Variants in PAK4 observed in about 807,000 individuals in gnomAD.
PAK4 encodes p21 (RAC1) activated kinase 4.
Under a neutral mutation model 53.5 loss-of-function variants are expected in PAK4, and 49 were observed. The ratio of observed to expected loss-of-function variants is 0.92; its 90% CI spans 0.73 to 1.16. The LOEUF (loss-of-function observed/expected upper bound fraction) is 1.16, where lower values mean the gene tolerates loss of function less well. Among genes scored for constraint, PAK4 ranks in the 50% most tolerant of loss-of-function variants. The probability of loss-of-function intolerance (pLI) is 0.00; values close to 1 mark genes in which losing one functional copy is unlikely to be tolerated. For synonymous variants in PAK4, 376 were observed against 375.6 expected (o/e 1.00, Z -0.01); for missense variants, 824 against 850.7 (o/e 0.97, Z 0.39).
In PAK4 at chr19:39,175,452, C is replaced by T. The variant is rs756166632; in HGVS notation, c.1359+14C>T. 1.3e-5 allele frequency: 20 copies of T among 1,591,538 alleles called. No individual in the cohort carries two copies. The highest frequency in any genetic ancestry group is 2.8e-5 in the African/African-American group (2 of 71,844). Reference sequence around the variant, plus strand: ...CATGATGGCAGGGTGAGGGGACGGGCGGCGGGGTACGGGGGCGGCAGGTTT... The same window carrying T: ...CATGATGGCAGGGTGAGGGGACGGGTGGCGGGGTACGGGGGCGGCAGGTTT... On this transcript the variant is annotated intron_variant, in intron 6 of 8. Coordinates refer to ENST00000358301, the Ensembl canonical transcript of PAK4. The surrounding 1 kb of genome is among the most constrained non-coding windows in gnomAD (Gnocchi z 4.7).
intron 1 of PAK4, among the ~76,000 whole-genome samples, chr19:39,144,467 G>C (rs1241583383): frequency 6.6e-6 from 1 of 152,256 alleles, no homozygotes; most frequent in Admixed American, 6.5e-5. Context: ...GGGGATGCTT[G>C]ACCCAAATCT....
intron 1 of PAK4, among the ~76,000 whole-genome samples, chr19:39,155,481 C>G (rs1178578951): frequency 6.6e-6 from 1 of 151,952 alleles, no homozygotes; most frequent in African/African-American, 2.4e-5. Context: ...GCAGGTGCCT[C>G]AAGTGGGGCC....
In PAK4 at chr19:39,169,517, G is replaced by A; in HGVS notation, c.-22-15G>A. 1 of 1,583,398 alleles carries A rather than the reference G, an allele frequency of 6.3e-7. No individual in the cohort carries two copies. The highest frequency in any genetic ancestry group is 8.7e-7 in the Non-Finnish European group (1 of 1,153,460). On this transcript the variant is annotated splice_polypyrimidine_tract_variant and intron_variant, in intron 1 of 8. Transcript: ENST00000358301. ...GGGCAGGCTCTCACTCACCCACCGTGATTCCCTCCCGCAGGCCGCACCGAG... is the reference window on the plus strand; with the variant it reads ...GGGCAGGCTCTCACTCACCCACCGTAATTCCCTCCCGCAGGCCGCACCGAG...
Position 39,178,382 on chromosome 19 carries a change from G to C in PAK4, c.1621-42G>C. ...ACTGCAGCCCTACAGCAAATGAACA[G>C]TGGGGAGCCTCGCCCCCTGACCCTC... On this transcript the variant is annotated intron_variant, in intron 8 of 8. Coordinates refer to ENST00000358301, the Ensembl canonical transcript of PAK4. The surrounding 1 kb of genome is among the most constrained non-coding windows in gnomAD (Gnocchi z 4.4). The C allele has an allele frequency of 6.4e-7, 1 of 1,551,950 alleles. No individual in the cohort carries two copies. The highest frequency in any genetic ancestry group is 8.7e-7 in the Non-Finnish European group (1 of 1,148,834).
At chr19:39,149,781 G>A (rs369340526) in intron 1 of PAK4, among the ~76,000 whole-genome samples, 13 of 152,270 alleles carry the variant, frequency 8.5e-5, no homozygotes, top group African/African-American at 2.9e-4. Context: ...GCTAGAACCC[G>A]GGAGGCGGAG....
In PAK4 at chr19:39,173,753, C is replaced by T; in HGVS notation, c.841C>T (p.Pro281Ser). 1.3e-6 allele frequency: 2 copies of T among 1,585,198 alleles called. No individual in the cohort carries two copies. Among genetic ancestry groups the T allele is most frequent in the South Asian group, 2.3e-5 (2 of 88,266 alleles). ...CCCTCCAGCCTGCACCCCCGCCGCC[C>T]CTGCTGTTCCTGGGCCCCCTGGCCC... The change falls in exon 4 of 9, where the codon CCT becomes TCT. Residue 281 changes from proline to serine, a missense_variant. Pro to Ser is a moderately conservative substitution (Grantham distance 74). Transcript: ENST00000358301. The surrounding 1 kb of genome is among the most constrained non-coding windows in gnomAD (Gnocchi z 6.9).
intron 2 of PAK4, among the ~76,000 whole-genome samples, chr19:39,172,681 C>T (rs1187886944): frequency 2.0e-5 from 3 of 152,176 alleles, no homozygotes; most frequent in Non-Finnish European, 4.4e-5. Flanking sequence ...CAGGGTCCCA[C>T]CGAGCCCAGG....
chr19:39,134,390 T>C (rs1478094763), intron 1 of PAK4, among the ~76,000 whole-genome samples: 1 of 152,196 alleles, frequency 6.6e-6, no homozygotes, highest in Admixed American at 6.5e-5. Flanking sequence ...CTCCTGACCT[T>C]GGTGGTCACT....
intron 1 of PAK4, among the ~76,000 whole-genome samples, chr19:39,141,297 G>T (rs897977516): frequency 2.0e-5 from 3 of 151,036 alleles, no homozygotes; most frequent in Admixed American, 6.6e-5. Context: ...GTCTCCTCAT[G>T]CTTCCCCAGT....
chr19:39,156,156 G>C (rs549144283), intron 1 of PAK4, among the ~76,000 whole-genome samples: 9 of 152,180 alleles, frequency 5.9e-5, no homozygotes, highest in Admixed American at 5.2e-4. Context: ...ATGGGTGAGG[G>C]GGGCAGAGTG....
intron 1 of PAK4, among the ~76,000 whole-genome samples, 180 bp from the exon 3 acceptor site, chr19:39,169,352 G>T (rs981046159): frequency 1.1e-4 from 16 of 152,074 alleles, no homozygotes; most frequent in African/African-American, 3.6e-4. Flanking sequence ...GTGCTCACGG[G>T]TACCCTCTGG....
intron 1 of PAK4, among the ~76,000 whole-genome samples, chr19:39,141,924 G>A (rs1238761980): frequency 6.6e-6 from 1 of 152,220 alleles, no homozygotes; most frequent in Non-Finnish European, 1.5e-5. Context: ...ACGGCGCCCG[G>A]CCCATTTGTT....
intron 4 of PAK4, 137 bp downstream of exon 5, chr19:39,174,147 C>T (rs898371852): frequency 3.2e-5 from 21 of 647,200 alleles, no homozygotes; most frequent in Non-Finnish European, 5.4e-5. Flanking sequence ...TCTCCCTCCC[C>T]AGGCCGTCTC....
intron 1 of PAK4, among the ~76,000 whole-genome samples, chr19:39,131,241 C>T (rs1358592393): frequency 1.3e-5 from 2 of 152,186 alleles, no homozygotes; most frequent in Non-Finnish European, 2.9e-5. Flanking sequence ...GGCCTGATTC[C>T]TGTTCAGCTG....
chr19:39,170,435 G>A (rs2074457068), intron 2 of PAK4, among the ~76,000 whole-genome samples: 2 of 152,052 alleles, frequency 1.3e-5, no homozygotes, highest in Admixed American at 6.5e-5. Context: ...TCCAAGGCCC[G>A]TGCTCTTAAC....
intron 6 of PAK4, 158 bp from the exon 8 acceptor site, chr19:39,176,432 T>C (rs569551661): frequency 1.2e-5 from 11 of 909,666 alleles, no homozygotes; most frequent in African/African-American, 4.9e-5. Context: ...GAGCTCCCCA[T>C]TGGTCTGGCT....
intron 1 of PAK4, among the ~76,000 whole-genome samples, chr19:39,129,867 A>C (rs981434822): frequency 1.1e-4 from 16 of 152,260 alleles, no homozygotes; most frequent in African/African-American, 3.9e-4. Context: ...ACCTCTCAGG[A>C]GGGAGGCAGG....
intron 2 of PAK4, among the ~76,000 whole-genome samples, chr19:39,172,236 G>A (rs1394000980): frequency 1.3e-5 from 2 of 152,052 alleles, no homozygotes; most frequent in Non-Finnish European, 2.9e-5. Context: ...GGCGGGGGTG[G>A]GGGAGACACC....
At chr19:39,157,540 C>T (rs985584389) in intron 1 of PAK4, among the ~76,000 whole-genome samples, 3 of 152,174 alleles carry the variant, frequency 2.0e-5, no homozygotes, top group Admixed American at 2.0e-4. Context: ...CTTTAAGAGC[C>T]GCTCCCCCAC....
Sources: allele counts gnomAD v4.1 joint callset (sites outside exome capture counted in the v4.1 genomes callset), GRCh38; gene constraint gnomAD v4.1.1; non-coding constraint Gnocchi (gnomAD v3.1); transcripts MANE v1.5; gene names NCBI Gene and HGNC (gene_info 2026-07-23, HGNC 2026-07-21).